IL1RAP: variants seen among roughly 807,000 people sequenced by gnomAD.
IL1RAP encodes interleukin-1 receptor accessory protein.
A neutral mutation model predicts 60.7 loss-of-function variants in IL1RAP; 35 were observed. That is an observed-to-expected ratio of 0.58 (90% CI 0.44 to 0.76). The LOEUF is 0.76. Ranked by LOEUF, IL1RAP falls within the 30% of genes least tolerant of loss-of-function variation. The pLI is 0.00. For missense variants in IL1RAP, 572 were observed against 693.9 expected, an observed-to-expected ratio of 0.82 and a Z score of 1.97; for synonymous variants, 268 against 250.9, an observed-to-expected ratio of 1.07 and a Z score of -0.64.
At chr3:190,656,481 C>G (rs1734623867), downstream of IL1RAP, 6 of 1,537,224 alleles carry the variant, frequency 3.9e-6, no homozygotes, top group Non-Finnish European at 5.2e-6. Flanking sequence ...AGCCTGTTCC[C>G]CAAGAGTCAG....
chr3:190,534,743 A>G (rs1342678527), intron 1 of IL1RAP, among the ~76,000 whole-genome samples: 2 of 152,066 alleles, frequency 1.3e-5, no homozygotes, highest in African/African-American at 4.8e-5. Flanking sequence ...ACTGGGAATC[A>G]AAAGCCATCT....
chr3:190,579,630 C>T (rs1286520450), intron 3 of IL1RAP, among the ~76,000 whole-genome samples: 1 of 152,004 alleles, frequency 6.6e-6, no homozygotes, highest in Non-Finnish European at 1.5e-5. Context: ...TTATTGCAAG[C>T]AATAAAACCA....
intron 9 of IL1RAP, chr3:190,643,925 G>A (rs2108854355): frequency 6.4e-6 from 1 of 157,364 alleles, no homozygotes; most frequent in Non-Finnish European, 1.4e-5. Flanking sequence ...ATATTTGTAA[G>A]GAGGTTTAGG....
At chr3:190,525,476 G>A (rs868027382) in intron 1 of IL1RAP, among the ~76,000 whole-genome samples, 1 of 152,166 alleles carries the variant, frequency 6.6e-6, no homozygotes, top group East Asian at 1.9e-4. Context: ...TGGATTTTAC[G>A]CAAAGTGTAG....
chr3:190,648,720 A>C lies in IL1RAP; in HGVS notation c.*15A>C. 6.3e-7 allele frequency: 1 copy of C among 1,592,900 alleles called. No individual in the cohort carries two copies. Among genetic ancestry groups the C allele is most frequent in the Non-Finnish European group, 8.5e-7 (1 of 1,170,724 alleles). On this transcript the variant is annotated 3_prime_UTR_variant, in exon 12 of 12. Coordinates refer to ENST00000447382, the MANE Select transcript of IL1RAP (RefSeq NM_002182.4). ...AAAATGTATGAAAGGAATAATGAAA[A>C]GGGTAAAAAGAACAAGGGGTGCTCC... is the stretch of plus-strand genomic sequence containing the variant.
At chr3:190,527,826 T>TACACAC (rs10602405) in intron 1 of IL1RAP, among the ~76,000 whole-genome samples, 2,418 of 139,624 alleles carry the variant, frequency 0.017, 69 homozygotes, top group African/African-American at 0.056. Flanking sequence ...AGGAAAGGTC[T>TACACAC]ACACACACAC....
intron 5 of IL1RAP, among the ~76,000 whole-genome samples, chr3:190,615,016 G>C (rs1022758472): frequency 6.6e-6 from 1 of 151,926 alleles, no homozygotes; most frequent in Admixed American, 6.6e-5. Context: ...TGAAGAAATG[G>C]GATAGGATTG....
chr3:190,597,067 G>T (rs1198970360), intron 3 of IL1RAP, among the ~76,000 whole-genome samples: 1 of 152,128 alleles, frequency 6.6e-6, no homozygotes, highest in Non-Finnish European at 1.5e-5. Context: ...TGGTACAGGA[G>T]GCTGACTCAC....
intron 1 of IL1RAP, among the ~76,000 whole-genome samples, chr3:190,554,056 G>A (rs867842388): frequency 0.011 from 753 of 70,632 alleles, 3 homozygotes; most frequent in Middle Eastern, 0.036. Flanking sequence ...GCGAGACTCC[G>A]TCTCAAAAAA....
At chr3:190,655,769 C>T (rs1013600974), downstream of IL1RAP, 102 of 733,230 alleles carry the variant, frequency 1.4e-4, no homozygotes, top group Non-Finnish European at 2.0e-4. Flanking sequence ...TTATTCAGCA[C>T]TGAGATTCTG....
chr3:190,556,178 A>G lies in IL1RAP; in HGVS notation c.-40A>G, dbSNP rs891091748. The G allele has an allele frequency of 2.0e-5, 3 of 152,142 alleles. No homozygotes were observed. Among genetic ancestry groups the G allele is most frequent in the Non-Finnish European group, 4.4e-5 (3 of 68,016 alleles). The allele number at this position is 152,142 out of a possible 1,614,324, so 9.4% of individuals were successfully genotyped here. A position where few individuals can be genotyped will look rare whatever the true frequency, so the allele number is the denominator to read the frequency against. On this transcript the variant is annotated 5_prime_UTR_variant, in exon 2 of 12. Coordinates refer to ENST00000447382, the MANE Select transcript of IL1RAP (RefSeq NM_002182.4). ...AAGAACTAGAACATCAGCAGGCCCT[A>G]GAAGCCTCACTCTTGCCCCTCCCTT... is the stretch of plus-strand genomic sequence containing the variant.
At position 190,658,666 on chromosome 3, in the gene IL1RAP, G is replaced by A. The variant is rs1178045050; in HGVS notation, c.*2059G>A. 4 of 152,348 alleles carry A rather than the reference G, an allele frequency of 2.6e-5. No homozygotes were observed. In the South Asian group the frequency reaches 6.2e-4, roughly 24 times the overall value. The allele number at this position is 152,348 out of a possible 1,614,324, so 9.4% of individuals were successfully genotyped here. A position where few individuals can be genotyped will look rare whatever the true frequency, so the allele number is the denominator to read the frequency against. ...CTGTTAGTGAGTTGTGGCCCAATGA[G>A]TGTCAGTGGCTCCCGGTCAGTAACA... On this transcript the variant is annotated 3_prime_UTR_variant, in exon 12 of 12. Transcript: ENST00000317757.
At chr3:190,546,560 T>C (rs967890153) in intron 1 of IL1RAP, among the ~76,000 whole-genome samples, 1 of 152,196 alleles carries the variant, frequency 6.6e-6, no homozygotes, top group East Asian at 1.9e-4. Flanking sequence ...CAGATACACT[T>C]TTAGGTATTT....
intron 4 of IL1RAP, 107 bp from the exon 5 acceptor site, chr3:190,608,888 A>G (rs1041334512): frequency 1.0e-5 from 8 of 772,438 alleles, no homozygotes; most frequent in Middle Eastern, 2.5e-4. Flanking sequence ...TACATGTATA[A>G]ATGATGTCTC....
At chr3:190,577,106 A>G (rs1367426093) in intron 3 of IL1RAP, among the ~76,000 whole-genome samples, 1 of 150,944 alleles carries the variant, frequency 6.6e-6, no homozygotes, top group African/African-American at 2.5e-5. Flanking sequence ...GTCTCAAAAA[A>G]AAAAAAAAAA....
intron 1 of IL1RAP, among the ~76,000 whole-genome samples, chr3:190,521,607 T>C (rs1722023977): frequency 6.6e-6 from 1 of 152,092 alleles, no homozygotes; most frequent in Non-Finnish European, 1.5e-5. Context: ...TGTAGAACAA[T>C]GTCTTAGGAG....
intron 1 of IL1RAP, among the ~76,000 whole-genome samples, chr3:190,524,482 A>T (rs1361315682): frequency 6.6e-6 from 1 of 152,072 alleles, no homozygotes; most frequent in Admixed American, 6.6e-5. Context: ...TTAAGTCTTT[A>T]ATCCATCCTG....
intron 9 of IL1RAP, among the ~76,000 whole-genome samples, chr3:190,638,406 T>C (rs78261857): frequency 0.033 from 5,029 of 152,274 alleles, 289 homozygotes; most frequent in East Asian, 0.27. Context: ...TGGCCATCTG[T>C]ATGTATTTTT....
chr3:190,620,525 T>A, intron 6 of IL1RAP, 85 bp downstream of exon 6: 1 of 1,168,824 alleles, frequency 8.6e-7, no homozygotes, highest in Non-Finnish European at 1.2e-6. Flanking sequence ...CACTAGTATG[T>A]AAATTGTATA....
Sources: gnomAD v4.1 joint callset for allele counts (sites outside exome capture counted in the v4.1 genomes callset) on GRCh38, gnomAD v4.1.1 for gene constraint, MANE v1.5 for transcripts, NCBI Gene and HGNC (gene_info 2026-07-23, HGNC 2026-07-21) for gene names.